CNEP1R1: variants seen among roughly 807,000 people sequenced by gnomAD.
CNEP1R1 encodes the protein CTD nuclear envelope phosphatase 1 regulatory subunit 1, also known as nuclear envelope phosphatase-regulatory subunit 1.
A neutral mutation model predicts 22.7 loss-of-function variants in CNEP1R1; 10 were observed. The ratio of observed to expected loss-of-function variants is 0.44; its 90% confidence interval spans 0.27 to 0.75. The LOEUF (loss-of-function observed/expected upper bound fraction) is 0.75. CNEP1R1 is among the 30% of genes least tolerant of loss of function. The pLI is 0.17. For missense variants in CNEP1R1, 73 were observed against 151.5 expected, an observed-to-expected ratio of 0.48 and a Z score of 2.72; for synonymous variants, 53 against 50.1, an observed-to-expected ratio of 1.06 and a Z score of -0.25.
chr16:50,029,340 A>G (rs2036212693), intron 2 of CNEP1R1, among the ~76,000 whole-genome samples: 1 of 152,178 alleles, frequency 6.6e-6, no homozygotes, highest in Non-Finnish European at 1.5e-5. Context: ...GGAGTCTTTG[A>G]TGGTTTGTTT....
At chr16:50,026,256 A>G (rs1397732368) in intron 1 of CNEP1R1, 140 bp from the exon 2 acceptor site, 1 of 621,346 alleles carries the variant, frequency 1.6e-6, no homozygotes, top group Non-Finnish European at 2.9e-6. Context: ...TAAACAGTGC[A>G]GTGATACATG....
At position 50,025,668 on chromosome 16, in the gene CNEP1R1, C is replaced by T. The variant is rs915980025; in HGVS notation, c.25+328C>T. 3.7e-6 allele frequency: 6 copies of T among 1,613,888 alleles called. No homozygotes were observed. The Admixed American group carries it at 5.0e-5, about 13-fold the overall frequency. On this transcript the variant is annotated intron_variant, in intron 1 of 5. Coordinates refer to ENST00000427478, the MANE Select transcript of CNEP1R1 (RefSeq NM_001281789.2). ...TCTCACAGCCCCGCGAGTTGTATCC[C>T]TGATTCCTGCGGTGGTTTCCGGTAA... is the stretch of plus-strand genomic sequence containing the variant.
At chr16:50,025,738 C>T in intron 1 of CNEP1R1, 1 of 1,569,536 alleles carries the variant, frequency 6.4e-7, no homozygotes, top group Non-Finnish European at 8.8e-7. Flanking sequence ...AAGTTTAAAG[C>T]ACACCACTGC....
chr16:50,025,814 G>A (rs1031697376), intron 1 of CNEP1R1: 18 of 857,678 alleles, frequency 2.1e-5, no homozygotes, highest in African/African-American at 3.3e-5. Context: ...ACTAGGCGCT[G>A]CCTGGGTGCC....
chr16:50,034,049 C>T, intron 4 of CNEP1R1, 53 bp from the exon 5 acceptor site: 2 of 1,407,846 alleles, frequency 1.4e-6, no homozygotes. Flanking sequence ...CCGCACCCGG[C>T]CTAAAAGCAT....
rs148087540 is a variant in CNEP1R1, at chr16:50,034,488, A to G, written c.336+332A>G. On this transcript the variant is annotated intron_variant, in intron 5 of 5. Coordinates refer to ENST00000427478, the MANE Select transcript of CNEP1R1 (RefSeq NM_001281789.2). ...ATTGACCAAAAATGGCTCAGCGGATATTGGTTTTATAAACTACTGTTATTT... is the reference window on the plus strand; with the variant it reads ...ATTGACCAAAAATGGCTCAGCGGATGTTGGTTTTATAAACTACTGTTATTT... 4 of 315,366 alleles carry G rather than the reference A, an allele frequency of 1.3e-5. No individual in the cohort carries two copies. The East Asian group carries it at 3.1e-4, about 25-fold the overall frequency. 19.5% of individuals were successfully genotyped at this position (315,366 alleles called of 1,614,324 possible).
intron 1 of CNEP1R1, chr16:50,025,711 T>G: frequency 6.2e-7 from 1 of 1,612,692 alleles, no homozygotes; most frequent in Non-Finnish European, 8.5e-7. Context: ...GGTTAGGAAG[T>G]GCTGCTCGGT....
At position 50,033,514 on chromosome 16, in the gene CNEP1R1, T is replaced by TGGTAAAGGA; in HGVS notation, c.281+8_281+9insGGTAAAGGA. 7.3e-7 allele frequency: 1 copy of TGGTAAAGGA among 1,373,502 alleles called. No homozygotes were observed. Among genetic ancestry groups the TGGTAAAGGA allele is most frequent in the Non-Finnish European group, 1.0e-6 (1 of 966,992 alleles). The allele number at this position is 1,373,502 out of a possible 1,614,324, so 85.1% of individuals were successfully genotyped here. A position where few individuals can be genotyped will look rare whatever the true frequency, so the allele number is the denominator to read the frequency against. On this transcript the variant is annotated intron_variant, in intron 4 of 5. Coordinates refer to ENST00000427478, the MANE Select transcript of CNEP1R1 (RefSeq NM_001281789.2). ...AGTAGTTGCACCATCAATGTATCCT[T>TGGTAAAGGA]TACCAAGGATTAAATTCCATTCTCT... is the stretch of plus-strand genomic sequence containing the variant.
chr16:50,025,666 C>T (rs1419774418), intron 1 of CNEP1R1: 3 of 1,613,968 alleles, frequency 1.9e-6, no homozygotes, highest in East Asian at 2.2e-5. Context: ...CGAGTTGTAT[C>T]CCTGATTCCT....
chr16:50,035,256 C>G (rs962639044), intron 5 of CNEP1R1, among the ~76,000 whole-genome samples, 161 bp from the exon 6 acceptor site: 1 of 152,142 alleles, frequency 6.6e-6, no homozygotes, highest in African/African-American at 2.4e-5. Flanking sequence ...GAAGGAAGCT[C>G]CACACAAAGG....
chr16:50,027,528 T>G (rs1456017102), intron 2 of CNEP1R1, among the ~76,000 whole-genome samples: 3 of 149,150 alleles, frequency 2.0e-5, no homozygotes, highest in Non-Finnish European at 3.0e-5. Flanking sequence ...AAAAAAAAAT[T>G]TAGCCAGGCA....
chr16:50,033,799 G>A (rs1597119358), intron 4 of CNEP1R1, among the ~76,000 whole-genome samples: 2 of 150,846 alleles, frequency 1.3e-5, no homozygotes, highest in Admixed American at 1.3e-4. Context: ...GGGAGGCAGA[G>A]GTTGCAGTGA....
At chr16:50,032,273 C>G (rs1407390818) in intron 3 of CNEP1R1, among the ~76,000 whole-genome samples, 1 of 152,226 alleles carries the variant, frequency 6.6e-6, no homozygotes, top group South Asian at 2.1e-4. Context: ...TTCTCTGTGT[C>G]TCCAGTCAAC....
At chr16:50,032,545 G>T (rs1208999037) in intron 3 of CNEP1R1, among the ~76,000 whole-genome samples, 1 of 152,222 alleles carries the variant, frequency 6.6e-6, no homozygotes, top group Non-Finnish European at 1.5e-5. Flanking sequence ...GGAGGAAGGG[G>T]TGATGCTGGA....
Position 50,025,656 on chromosome 16 carries a change from C to G in CNEP1R1, c.25+316C>G, listed in dbSNP as rs190522624. ...ATTTCATTTCATTCTCACAGCCCCG[C>G]GAGTTGTATCCCTGATTCCTGCGGT... On this transcript the variant is annotated intron_variant, in intron 1 of 5. Transcript: ENST00000427478. 1,096 of 1,613,734 alleles carry G rather than the reference C, an allele frequency of 6.8e-4. 8 individuals carry two copies. The African/African-American group carries it at 0.013, about 19-fold the overall frequency.
intron 3 of CNEP1R1, among the ~76,000 whole-genome samples, chr16:50,030,460 T>G (rs917151771): frequency 7.2e-5 from 11 of 152,134 alleles, no homozygotes; most frequent in Admixed American, 6.6e-4. Context: ...AGAAAAAAAT[T>G]GTAAAATAAC....
intron 5 of CNEP1R1, chr16:50,034,727 C>T (rs1293116401): frequency 1.3e-5 from 2 of 154,344 alleles, no homozygotes; most frequent in Non-Finnish European, 2.9e-5. Flanking sequence ...ATTAGCAAGA[C>T]CCCATCTCTA....
Position 50,035,741 on chromosome 16 carries a change from C to G in CNEP1R1, c.*283C>G, listed in dbSNP as rs1597120424. On this transcript the variant is annotated 3_prime_UTR_variant, in exon 6 of 6. Coordinates refer to ENST00000427478, the MANE Select transcript of CNEP1R1 (RefSeq NM_001281789.2). ...TATGTATGTATGTTACTAAGTTAAA[C>G]TTAGAAACAGAACCTCATTCAGTTT... 3.2e-6 allele frequency: 1 copy of G among 310,966 alleles called. No individual in the cohort carries two copies. Among genetic ancestry groups the G allele is most frequent in the Non-Finnish European group, 5.9e-6 (1 of 170,000 alleles). The allele number at this position is 310,966 out of a possible 1,614,324, so 19.3% of individuals were successfully genotyped here. A position where few individuals can be genotyped will look rare whatever the true frequency, so the allele number is the denominator to read the frequency against.
chr16:50,025,636 A>G (rs1308574499), intron 1 of CNEP1R1: 1 of 1,612,404 alleles, frequency 6.2e-7, no homozygotes, highest in Non-Finnish European at 8.5e-7. Flanking sequence ...AATTCATTTC[A>G]TTTCATTCTC....
Sources: allele counts gnomAD v4.1 joint callset (sites outside exome capture counted in the v4.1 genomes callset), GRCh38; gene constraint gnomAD v4.1.1; transcripts MANE v1.5; gene names NCBI Gene and HGNC (gene_info 2026-07-23, HGNC 2026-07-21).